SERPINB12: variants seen among roughly 807,000 people sequenced by gnomAD.
SERPINB12 encodes serpin family B member 12.
A neutral mutation model predicts 41.1 loss-of-function variants in SERPINB12; 57 were observed. The ratio of observed to expected loss-of-function variants is 1.39; its 90% CI spans 1.12 to 1.73. The LOEUF (loss-of-function observed/expected upper bound fraction) is 1.73. Among genes scored for constraint, SERPINB12 ranks in the 40% most tolerant of loss-of-function variants. The pLI is 0.00. For synonymous variants in SERPINB12, 180 were observed against 181.3 expected (o/e 0.99, Z 0.06); for missense variants, 536 against 501.9 (o/e 1.07, Z -0.65).
upstream of SERPINB12, among the ~76,000 whole-genome samples, chr18:63,539,368 T>A (rs1840563): frequency 0.58 from 87,653 of 151,864 alleles, 27,520 homozygotes; most frequent in Middle Eastern, 0.73. Context: ...AGAAGCAAAA[T>A]GCACAAAATT....
the SERPINB12 span, among the ~76,000 whole-genome samples, chr18:63,526,457 G>C: frequency 6.6e-6 from 1 of 152,166 alleles, no homozygotes; most frequent in Non-Finnish European, 1.5e-5. Flanking sequence ...ACAGATGTGA[G>C]TCATGGTGCC....
chr18:63,521,090 C>T, the SERPINB12 span, among the ~76,000 whole-genome samples: 1 of 152,034 alleles, frequency 6.6e-6, no homozygotes, highest in Non-Finnish European at 1.5e-5. Flanking sequence ...GGACAGATGT[C>T]CTTGTATAAG....
upstream of SERPINB12, among the ~76,000 whole-genome samples, chr18:63,538,097 A>T (rs1472850275): frequency 6.6e-6 from 1 of 152,206 alleles, no homozygotes; most frequent in African/African-American, 2.4e-5. Context: ...ATAAGATATG[A>T]AAGTATGGAA....
chr18:63,562,723 CATATTAAGGCCTGG>C (rs1302299966), intron 5 of SERPINB12, among the ~76,000 whole-genome samples: 1 of 152,170 alleles, frequency 6.6e-6, no homozygotes, highest in African/African-American at 2.4e-5. Flanking sequence ...TAATGAAGCT[CATATTAAGGCCTGG>C]ATATGTACTT....
chr18:63,525,727 T>A, the SERPINB12 span, among the ~76,000 whole-genome samples: 1 of 152,194 alleles, frequency 6.6e-6, no homozygotes, highest in Admixed American at 6.5e-5. Flanking sequence ...AGATTACTTA[T>A]GAAAACTGCA....
At chr18:63,533,435 C>A in the SERPINB12 span, among the ~76,000 whole-genome samples, 15 of 152,164 alleles carry the variant, frequency 9.9e-5, 1 homozygote, top group Admixed American at 9.8e-4. Context: ...CTCATGTGAA[C>A]AAATATGGCA....
In SERPINB12 at chr18:63,542,473, C is replaced by T. The variant is rs1330550213; in HGVS notation, c.-38C>T. ...TCAGAGCACAGACCTTAGCTGGGGA[C>T]AGCCCTCACTGGCTTCCAGGTATGT... On this transcript the variant is annotated 5_prime_UTR_variant, in exon 1 of 8. Transcript: ENST00000382768. Among the ~76,000 whole-genome samples, 1 of 152,154 alleles carries T rather than the reference C, an allele frequency of 6.6e-6. No homozygotes were observed. Among genetic ancestry groups the T allele is most frequent in the Non-Finnish European group, 1.5e-5 (1 of 68,030 alleles).
At chr18:63,534,210 A>T in the SERPINB12 span, among the ~76,000 whole-genome samples, 1 of 152,228 alleles carries the variant, frequency 6.6e-6, no homozygotes, top group Non-Finnish European at 1.5e-5. Flanking sequence ...AGAATCTAAA[A>T]ATAAAGAACA....
intron 2 of SERPINB12, 124 bp downstream of exon 2, chr18:63,556,451 CCTGT>C (rs1910683567): frequency 1.4e-6 from 1 of 700,266 alleles, no homozygotes; most frequent in African/African-American, 1.8e-5. Flanking sequence ...AGAACCCATC[CCTGT>C]CTCTGAGTCT....
At chr18:63,565,891 A>G (rs897438) in intron 7 of SERPINB12, among the ~76,000 whole-genome samples, 123,654 of 152,184 alleles carry the variant, frequency 0.81, 50,764 homozygotes, top group African/African-American at 0.95. Flanking sequence ...AGTAACTTGA[A>G]AAGTTTTTAA....
chr18:63,556,353 A>G, intron 2 of SERPINB12, 26 bp downstream of exon 2: 3 of 1,605,270 alleles, frequency 1.9e-6, no homozygotes, highest in Non-Finnish European at 2.6e-6. Context: ...GGTGCTACAC[A>G]GGGTCCTAAA....
intron 1 of SERPINB12, among the ~76,000 whole-genome samples, chr18:63,547,017 A>T (rs1370822643): frequency 6.6e-6 from 1 of 152,216 alleles, no homozygotes; most frequent in African/African-American, 2.4e-5. Flanking sequence ...ATTTTAAAGG[A>T]TAGAAACCCA....
chr18:63,560,980 C>A (rs1910884639), intron 4 of SERPINB12, 105 bp from the exon 5 acceptor site: 2 of 731,354 alleles, frequency 2.7e-6, no homozygotes, highest in Admixed American at 2.3e-5. Context: ...GTGAAATGAC[C>A]AGGCTCATCT....
intron 1 of SERPINB12, among the ~76,000 whole-genome samples, chr18:63,549,908 G>C (rs140902653): frequency 6.6e-6 from 1 of 152,362 alleles, no homozygotes; most frequent in African/African-American, 2.4e-5. Flanking sequence ...TAGGAGGAAA[G>C]AGGTAGCTTT....
chr18:63,537,270 C>G, the SERPINB12 span, among the ~76,000 whole-genome samples: 3 of 152,272 alleles, frequency 2.0e-5, no homozygotes, highest in African/African-American at 7.2e-5. Flanking sequence ...CACTCTGTGT[C>G]TCTCCTAATA....
chr18:63,525,372 G>C, the SERPINB12 span, among the ~76,000 whole-genome samples: 3 of 152,070 alleles, frequency 2.0e-5, no homozygotes, highest in Non-Finnish European at 2.9e-5. Context: ...AACCTTAGAA[G>C]TGAGCAGTTT....
In SERPINB12 at chr18:63,568,147, G is replaced by T. The variant is rs980763908; in HGVS notation, c.*1136G>T. ...CAATCCCAGCACTTCTTGGGAGGCC[G>T]AGTCAGGTGGATCACTTGAGTCCAG... On this transcript the variant is annotated 3_prime_UTR_variant, in exon 8 of 8. Coordinates refer to ENST00000382768, the MANE Select transcript of SERPINB12 (RefSeq NM_001307928.2). Among the ~76,000 whole-genome samples, 1 of 152,204 alleles carries T rather than the reference G, an allele frequency of 6.6e-6. No homozygotes were observed. The highest frequency in any genetic ancestry group is 2.4e-5 in the African/African-American group (1 of 41,456).
At chr18:63,526,138 A>G in the SERPINB12 span, among the ~76,000 whole-genome samples, 1 of 152,160 alleles carries the variant, frequency 6.6e-6, no homozygotes, top group Non-Finnish European at 1.5e-5. Flanking sequence ...TTTTGGTAAC[A>G]TATTTGATTT....
At chr18:63,521,386 G>T in the SERPINB12 span, among the ~76,000 whole-genome samples, 1 of 152,198 alleles carries the variant, frequency 6.6e-6, no homozygotes, top group Non-Finnish European at 1.5e-5. Context: ...CCAGGTTGCT[G>T]ATCTGATCCT....
Sources: gnomAD v4.1 joint callset for allele counts (sites outside exome capture counted in the v4.1 genomes callset) on GRCh38, gnomAD v4.1.1 for gene constraint, MANE v1.5 for transcripts, NCBI Gene and HGNC (gene_info 2026-07-23, HGNC 2026-07-21) for gene names.